LARP4: variants seen among roughly 807,000 people sequenced by gnomAD.
LARP4 encodes la-related protein 4.
Under a neutral mutation model 92.9 loss-of-function variants are expected in LARP4, and 29 were observed. The ratio of observed to expected loss-of-function variants is 0.31; its 90% CI spans 0.23 to 0.43. LARP4 has a LOEUF of 0.43. Ranked by LOEUF, LARP4 falls within the 20% of genes least tolerant of loss-of-function variation. The probability of loss-of-function intolerance (pLI) is 1.00; values close to 1 mark genes in which losing one functional copy is unlikely to be tolerated. For missense variants in LARP4, 732 were observed against 860.0 expected, an observed-to-expected ratio of 0.85 and a Z score of 1.86; for synonymous variants, 279 against 284.1, an observed-to-expected ratio of 0.98 and a Z score of 0.18.
chr12:50,427,993 C>CTTTTT (rs781256448), intron 2 of LARP4, 84 bp downstream of exon 2: 54 of 306,022 alleles, frequency 1.8e-4, no homozygotes, highest in South Asian at 4.4e-4. Flanking sequence ...AGACACATCT[C>CTTTTT]TTTTTTTTTT....
intron 5 of LARP4, among the ~76,000 whole-genome samples, chr12:50,436,838 A>G (rs759818911): frequency 1.2e-4 from 18 of 152,362 alleles, no homozygotes; most frequent in Non-Finnish European, 2.2e-4. Context: ...TTTCCAGAGG[A>G]TTACAAACAT....
Position 50,476,729 on chromosome 12 carries a change from C to G in LARP4, c.*865C>G, listed in dbSNP as rs1229641227. 3 of 152,498 alleles carry G rather than the reference C, an allele frequency of 2.0e-5. No individual in the cohort carries two copies. In the East Asian group the frequency reaches 5.8e-4, roughly 29 times the overall value. The allele number at this position is 152,498 out of a possible 1,614,324, so 9.4% of individuals were successfully genotyped here. Reference sequence around the variant, plus strand: ...ATGAGAAACAAAATTTTTTTTCTTACTCCATTTGTTACTCTCTGTTCTTTG... The same window carrying G: ...ATGAGAAACAAAATTTTTTTTCTTAGTCCATTTGTTACTCTCTGTTCTTTG... On this transcript the variant is annotated 3_prime_UTR_variant, in exon 16 of 16. Coordinates refer to ENST00000398473, the MANE Select transcript of LARP4 (RefSeq NM_052879.5).
intron 12 of LARP4, among the ~76,000 whole-genome samples, chr12:50,464,751 C>T (rs1156411534): frequency 2.6e-5 from 4 of 151,882 alleles, no homozygotes; most frequent in African/African-American, 9.7e-5. Flanking sequence ...AGTGCAGTGG[C>T]GTGATCTCGG....
chr12:50,474,332 G>T (rs1362261937), intron 15 of LARP4, among the ~76,000 whole-genome samples, 165 bp downstream of exon 15: 1 of 151,906 alleles, frequency 6.6e-6, no homozygotes, highest in Non-Finnish European at 1.5e-5. Flanking sequence ...GCAAAGAGAT[G>T]GAAAGTTTTA....
At chr12:50,440,591 CA>C (rs1951056706) in intron 7 of LARP4, 42 bp downstream of exon 7, 1 of 1,289,858 alleles carries the variant, frequency 7.8e-7, no homozygotes, top group Non-Finnish European at 1.1e-6. Context: ...ATCCTAGTGG[CA>C]AAATAAGTAG....
At position 50,404,814 on chromosome 12, in the gene LARP4, C is replaced by T. The variant is rs571704436; in HGVS notation, c.18+3786C>T. On this transcript the variant is annotated intron_variant, in intron 1 of 15. Transcript: ENST00000398473. Reference sequence around the variant, plus strand: ...AAGTGATTCTCCTGCCTCAGCCTCCCGAGTAGCTGGGACTGTAGGCGCATG... The same window carrying T: ...AAGTGATTCTCCTGCCTCAGCCTCCTGAGTAGCTGGGACTGTAGGCGCATG... Among the ~76,000 whole-genome samples the T allele has an allele frequency of 5.3e-5, 8 of 151,756 alleles. No homozygotes were observed. The East Asian group carries it at 1.4e-3, about 26-fold the overall frequency.
intron 1 of LARP4, chr12:50,412,528 A>G (rs766256983): frequency 1.8e-5 from 9 of 513,766 alleles, no homozygotes; most frequent in Non-Finnish European, 2.0e-5. Context: ...TTCCTAACTC[A>G]TGGTTCTGTT....
intron 12 of LARP4, among the ~76,000 whole-genome samples, chr12:50,466,028 G>A (rs914687730): frequency 7.2e-5 from 11 of 152,130 alleles, no homozygotes; most frequent in Non-Finnish European, 1.5e-4. Context: ...AGGTATCACA[G>A]AAGCTAAGAG....
chr12:50,402,640 C>G (rs7138887), intron 1 of LARP4: 24,807 of 285,692 alleles, frequency 0.087, 2,221 homozygotes, highest in African/African-American at 0.28. Flanking sequence ...TAGGTCTTCT[C>G]CTGTCTCTAA....
At chr12:50,467,149 T>A in intron 13 of LARP4, 29 bp downstream of exon 13, 1 of 1,546,508 alleles carries the variant, frequency 6.5e-7, no homozygotes, top group Non-Finnish European at 8.8e-7. Flanking sequence ...AGTCTTACCT[T>A]ATGAGACCAT....
chr12:50,461,333 C>A lies in LARP4; in HGVS notation c.1320C>A (p.Asp440Glu). The change falls in exon 11 of 16, where the codon GAC (aspartate) becomes GAA (glutamate). Residue 440 changes from aspartate (D) to glutamate (E), a missense_variant. Physicochemically the swap from Asp to Glu is conservative, Grantham distance 45. Coordinates refer to ENST00000398473, the MANE Select transcript of LARP4 (RefSeq NM_052879.5). The stretch of plus-strand genomic sequence containing the variant: ...CTTTGCAGGTGGAACAGAATGGGGA[C>A]TATGGTAGGGGCAGGTAAGAAAATA... ...TSTLQVEQNG[D>E]YGRGRRTLFR... 1 of 1,613,770 alleles carries A rather than the reference C, an allele frequency of 6.2e-7. No individual in the cohort carries two copies.
Position 50,479,496 on chromosome 12 carries a change from A to G in LARP4, c.*3632A>G, listed in dbSNP as rs1349781831. ...ATACATATATGTTTCCCTTTTCATT[A>G]GCTGAATGAGGATATTTTAAGAAGT... On this transcript the variant is annotated 3_prime_UTR_variant, in exon 16 of 16. Coordinates refer to ENST00000398473, the MANE Select transcript of LARP4 (RefSeq NM_052879.5). The G allele has an allele frequency of 3.9e-5, 6 of 152,186 alleles. No homozygotes were observed. Among genetic ancestry groups the G allele is most frequent in the Admixed American group, 6.5e-5 (1 of 15,270 alleles). The allele number at this position is 152,186 out of a possible 1,614,324, so 9.4% of individuals were successfully genotyped here.
In LARP4 at chr12:50,475,778, C is replaced by T. The variant is rs756332538; in HGVS notation, c.2089C>T (p.Arg697Cys). The T allele has an allele frequency of 1.4e-5, 23 of 1,613,964 alleles. No homozygotes were observed. The highest frequency in any genetic ancestry group is 5.5e-5 in the South Asian group (5 of 91,082). The change falls in exon 16 of 16, where the codon CGC (arginine) becomes TGC (cysteine). Residue 697 changes from arginine (R) to cysteine (C), a missense_variant. Around this residue, in one of 7 missense-constraint regions of LARP4, gnomAD observed 115 missense variants for 129.1 expected, o/e 0.89. Coordinates refer to ENST00000398473, the MANE Select transcript of LARP4 (RefSeq NM_052879.5). Reference sequence around the variant, plus strand: ...AGCAGGAAAAATCAGGGAACAGAGACGCCAGTTTAGCCATAGGGCTATACC... The same window carrying T: ...AGCAGGAAAAATCAGGGAACAGAGATGCCAGTTTAGCCATAGGGCTATACC... ...GAAGKIREQR[R>C]QFSHRAIPQG...
At chr12:50,429,193 T>G (rs1174120752) in intron 3 of LARP4, 103 bp downstream of exon 3, 1 of 798,914 alleles carries the variant, frequency 1.3e-6, no homozygotes, top group African/African-American at 1.8e-5. Flanking sequence ...CATTATTTTC[T>G]TATTTGAAAA....
intron 8 of LARP4, among the ~76,000 whole-genome samples, chr12:50,449,976 C>CA (rs1255207272): frequency 4.3e-5 from 5 of 116,802 alleles, no homozygotes; most frequent in African/African-American, 1.3e-4. Context: ...GCTCTGTTGC[C>CA]AGACTGGAGT....
Position 50,401,016 on chromosome 12 carries a change from G to C in LARP4, c.6G>C (p.Leu2Phe), listed in dbSNP as rs1469241927. The C allele has an allele frequency of 2.5e-6, 4 of 1,614,058 alleles. No individual in the cohort carries two copies. In the African/African-American group the frequency reaches 5.3e-5, roughly 22 times the overall value. The change falls in exon 1 of 16, where the codon TTG becomes TTC. Residue 2 changes from leucine to phenylalanine, a missense_variant. Transcript: ENST00000398473. M[L>F]LFVEQVASKG... ...TGGGCTGAGCAGAGGACGACATGTT[G>C]CTTTTCGTGGAGGTGAGTGCATTAT...
At chr12:50,470,134 G>A (rs531551876) in intron 13 of LARP4, among the ~76,000 whole-genome samples, 25 of 151,816 alleles carry the variant, frequency 1.6e-4, no homozygotes, top group African/African-American at 5.6e-4. Flanking sequence ...TGAGACAAGA[G>A]GATTGCTTCA....
chr12:50,402,807 T>C (rs1457332536), intron 1 of LARP4: 4 of 455,156 alleles, frequency 8.8e-6, no homozygotes, highest in South Asian at 6.2e-5. Flanking sequence ...CCTGTCCGAC[T>C]CCCCAGGTTA....
At chr12:50,417,374 CAA>C (rs763815019) in intron 1 of LARP4, among the ~76,000 whole-genome samples, 3 of 121,154 alleles carry the variant, frequency 2.5e-5, no homozygotes, top group African/African-American at 3.0e-5. Flanking sequence ...AACTCTGTCT[CAA>C]AAAAAAAAAA....
Sources: gnomAD v4.1 joint callset for allele counts (sites outside exome capture counted in the v4.1 genomes callset) on GRCh38, gnomAD v4.1.1 for gene constraint, gnomAD v4.1.1 regional missense constraint, MANE v1.5 for transcripts, NCBI Gene and HGNC (gene_info 2026-07-23, HGNC 2026-07-21) for gene names.